OSBPL11: variants seen among roughly 807,000 people sequenced by gnomAD.
OSBPL11 encodes oxysterol binding protein like 11, also known as oxysterol-binding protein-related protein 11.
OSBPL11 carries 33 observed loss-of-function variants against 84.4 expected under a neutral mutation model. The observed-to-expected ratio is 0.39, with a 90% CI of 0.30 to 0.52. The LOEUF is 0.52. Ranked by LOEUF, OSBPL11 falls within the 20% of genes least tolerant of loss-of-function variation. The pLI, the probability that OSBPL11 is intolerant of heterozygous loss-of-function variation, is 0.72. For missense variants in OSBPL11, 736 were observed against 901.1 expected, an observed-to-expected ratio of 0.82 and a Z score of 2.35; for synonymous variants, 276 against 310.2, an observed-to-expected ratio of 0.89 and a Z score of 1.16.
chr3:125,547,356 A>C, intron 10 of OSBPL11, 50 bp downstream of exon 10: 1 of 1,509,546 alleles, frequency 6.6e-7, no homozygotes. Flanking sequence ...GTTGTAATAC[A>C]AAATCAAAGT....
chr3:125,594,133 G>C (rs1936644694), intron 1 of OSBPL11, among the ~76,000 whole-genome samples: 1 of 152,100 alleles, frequency 6.6e-6, no homozygotes, highest in East Asian at 1.9e-4. Flanking sequence ...CTCTACCTTT[G>C]TCCTTGCATT....
chr3:125,547,810 A>G (rs1935841878), intron 9 of OSBPL11, among the ~76,000 whole-genome samples: 2 of 152,172 alleles, frequency 1.3e-5, no homozygotes, highest in South Asian at 2.1e-4. Context: ...CTTTCCATCA[A>G]TTTGAGGTTC....
chr3:125,537,778 A>G (rs909629466), intron 11 of OSBPL11, among the ~76,000 whole-genome samples: 1 of 152,178 alleles, frequency 6.6e-6, no homozygotes, highest in Non-Finnish European at 1.5e-5. Flanking sequence ...TCTCTTTCCT[A>G]TTCCAGATCC....
chr3:125,564,527 C>A (rs1936128077), intron 6 of OSBPL11, among the ~76,000 whole-genome samples: 1 of 152,074 alleles, frequency 6.6e-6, no homozygotes, highest in African/African-American at 2.4e-5. Flanking sequence ...TATGCCTAAT[C>A]AATAATGGAA....
intron 11 of OSBPL11, among the ~76,000 whole-genome samples, chr3:125,537,676 T>A (rs1935662558): frequency 2.0e-5 from 3 of 152,152 alleles, no homozygotes; most frequent in Admixed American, 2.0e-4. Flanking sequence ...CCCTGTATAT[T>A]TTTTTTCTAT....
intron 9 of OSBPL11, among the ~76,000 whole-genome samples, chr3:125,551,374 A>G (rs1935905455): frequency 6.6e-6 from 1 of 151,614 alleles, no homozygotes; most frequent in South Asian, 2.1e-4. Context: ...ACACACAGAA[A>G]AAGTATAAAA....
intron 9 of OSBPL11, 126 bp downstream of exon 9, chr3:125,552,055 C>T (rs971443031): frequency 1.0e-5 from 5 of 490,658 alleles, no homozygotes; most frequent in African/African-American, 9.8e-5. Context: ...CCCAAGCGAA[C>T]TTTCCTTTCT....
rs955785703 is a variant in OSBPL11, at chr3:125,551,030, G to A, written c.1654+1151C>T. On this transcript the variant is annotated intron_variant, in intron 9 of 12. Coordinates refer to ENST00000296220, the MANE Select transcript of OSBPL11 (RefSeq NM_022776.5). ...ATTAAAAAAATTAGCCTAGCATGGTGGTGCATGCCTGTAGTCCTAGCTACT... is the reference window on the plus strand; with the variant it reads ...ATTAAAAAAATTAGCCTAGCATGGTAGTGCATGCCTGTAGTCCTAGCTACT... Among the ~76,000 whole-genome samples the A allele has an allele frequency of 9.2e-5, 14 of 151,980 alleles. No individual in the cohort carries two copies. The South Asian group carries it at 2.5e-3, about 27-fold the overall frequency.
At chr3:125,578,017 TTGAACAC>T (rs1936356623) in intron 4 of OSBPL11, among the ~76,000 whole-genome samples, 2 of 152,280 alleles carry the variant, frequency 1.3e-5, no homozygotes, top group Middle Eastern at 3.4e-3. Context: ...ACATAAAAAC[TTGAACAC>T]TTATAATGTT....
chr3:125,581,337 C>A (rs1413363066), intron 2 of OSBPL11, among the ~76,000 whole-genome samples: 1 of 151,812 alleles, frequency 6.6e-6, no homozygotes, highest in Non-Finnish European at 1.5e-5. Context: ...GGCGATCCTC[C>A]CGCCTCGGCC....
intron 12 of OSBPL11, 138 bp downstream of exon 12, chr3:125,531,723 A>T: frequency 1.2e-6 from 1 of 809,408 alleles, no homozygotes; most frequent in South Asian, 2.6e-5. Flanking sequence ...CTGGTCTCAA[A>T]AACAGTTGGT....
At chr3:125,532,577 C>CAAAAAA (rs371653670) in intron 11 of OSBPL11, among the ~76,000 whole-genome samples, 2 of 54,002 alleles carry the variant, frequency 3.7e-5, no homozygotes, top group African/African-American at 1.2e-4. Flanking sequence ...AAATCTCAAG[C>CAAAAAA]AAAAAAAAAA....
chr3:125,587,460 C>T (rs1936531123), intron 1 of OSBPL11, among the ~76,000 whole-genome samples: 1 of 152,122 alleles, frequency 6.6e-6, no homozygotes, highest in African/African-American at 2.4e-5. Flanking sequence ...TTTGAAGTTA[C>T]AGCAGTAAAT....
At chr3:125,561,293 C>T (rs377152285) in intron 7 of OSBPL11, among the ~76,000 whole-genome samples, 2 of 152,210 alleles carry the variant, frequency 1.3e-5, no homozygotes, top group South Asian at 2.1e-4. Flanking sequence ...CCACCACACC[C>T]GGCCCCTTAA....
At chr3:125,584,948 A>C (rs1936483807) in intron 1 of OSBPL11, among the ~76,000 whole-genome samples, 1 of 151,906 alleles carries the variant, frequency 6.6e-6, no homozygotes, top group Admixed American at 6.6e-5. Context: ...GTTAATTTTT[A>C]ATTATTTTTG....
intron 10 of OSBPL11, among the ~76,000 whole-genome samples, chr3:125,539,172 T>A (rs929382376): frequency 3.3e-5 from 5 of 150,826 alleles, no homozygotes; most frequent in African/African-American, 1.2e-4. Context: ...TTAAAATGTT[T>A]AAAATTCTCT....
chr3:125,578,910 AT>A, intron 4 of OSBPL11, 49 bp downstream of exon 4: 18 of 1,219,194 alleles, frequency 1.5e-5, no homozygotes, highest in South Asian at 3.2e-5. Flanking sequence ...AAAATAAAAA[AT>A]ATTCCTTCCT....
At chr3:125,562,368 A>T (rs1936091325) in intron 7 of OSBPL11, among the ~76,000 whole-genome samples, 1 of 152,172 alleles carries the variant, frequency 6.6e-6, no homozygotes, top group Non-Finnish European at 1.5e-5. Flanking sequence ...AATACTTACT[A>T]ACTGCTGTTT....
intron 1 of OSBPL11, among the ~76,000 whole-genome samples, chr3:125,591,373 A>C (rs1270507731): frequency 1.3e-5 from 2 of 152,234 alleles, no homozygotes; most frequent in African/African-American, 4.8e-5. Context: ...CTCAGTGCTT[A>C]GGTTACAAAA....
Sources: allele counts gnomAD v4.1 joint callset (sites outside exome capture counted in the v4.1 genomes callset), GRCh38; gene constraint gnomAD v4.1.1; transcripts MANE v1.5; gene names NCBI Gene and HGNC (gene_info 2026-07-23, HGNC 2026-07-21).